Variants in BTD observed in about 807,000 individuals in gnomAD.
BTD encodes biocytinase.
A neutral mutation model predicts 17.7 loss-of-function variants in BTD; 13 were observed. The ratio of observed to expected loss-of-function variants is 0.74; its 90% CI spans 0.48 to 1.17. The LOEUF (loss-of-function observed/expected upper bound fraction) is 1.17. Ranked by LOEUF, BTD falls within the 50% of genes most tolerant of loss-of-function variation. BTD has a pLI of 0.00. For missense variants in BTD, 674 were observed against 650.4 expected (o/e 1.04, Z -0.39); for synonymous variants, 240 against 245.2 (o/e 0.98, Z 0.20).
At chr3:15,710,851 C>T (rs1559382801) in exon 4 of BTD, among the ~76,000 whole-genome samples, 1 of 151,980 alleles carries the variant, frequency 6.6e-6, no homozygotes, top group Non-Finnish European at 1.5e-5. Flanking sequence ...AAAAAATTAA[C>T]AAATCTACTT....
At chr3:15,675,458 C>A (rs546670564) in intron 3 of BTD, among the ~76,000 whole-genome samples, 3 of 152,022 alleles carry the variant, frequency 2.0e-5, no homozygotes, top group African/African-American at 7.3e-5. Flanking sequence ...AGGAATAATA[C>A]AGGAAGAGAG....
intron 3 of BTD, chr3:15,667,316 G>C (rs1027563945): frequency 6.6e-6 from 1 of 152,294 alleles, no homozygotes; most frequent in South Asian, 2.1e-4. Context: ...GCTACACTTA[G>C]AGATCTCCTG....
intron 3 of BTD, among the ~76,000 whole-genome samples, chr3:15,643,027 CA>C (rs200265982): frequency 0.016 from 1,572 of 99,190 alleles, 30 homozygotes; most frequent in African/African-American, 0.055. Flanking sequence ...AACTCTGCCT[CA>C]AAAAAAAAAA....
At position 15,645,592 on chromosome 3, in the gene BTD, AG is replaced by A; in HGVS notation, c.*105del. The A allele has an allele frequency of 7.3e-7, 1 of 1,366,514 alleles. No individual in the cohort carries two copies. Among genetic ancestry groups the A allele is most frequent in the Non-Finnish European group, 1.0e-6 (1 of 998,410 alleles). The allele number at this position is 1,366,514 out of a possible 1,614,324, so 84.6% of individuals were successfully genotyped here. On this transcript the variant is annotated 3_prime_UTR_variant, in exon 4 of 4. Coordinates refer to ENST00000643237, the MANE Select transcript of BTD (RefSeq NM_001370658.1). ...ACCATCTTTCTGCCTTAAGGGCAGGAGCCCACTTCTGTGGCACCAGATTCCA... is the reference window on the plus strand; with the variant it reads ...ACCATCTTTCTGCCTTAAGGGCAGGACCCACTTCTGTGGCACCAGATTCCA...
intron 1 of BTD, among the ~76,000 whole-genome samples, chr3:15,608,870 G>T (rs1416893600): frequency 2.0e-5 from 3 of 152,002 alleles, no homozygotes; most frequent in Non-Finnish European, 2.9e-5. Flanking sequence ...CATGTAATAT[G>T]GTACTAGTGT....
chr3:15,608,827 A>G (rs1298356997), intron 1 of BTD, among the ~76,000 whole-genome samples: 1 of 151,838 alleles, frequency 6.6e-6, no homozygotes, highest in Non-Finnish European at 1.5e-5. Context: ...TACTCGGGGG[A>G]GTGTCCCACA....
chr3:15,686,232 C>T (rs1280003683), intron 3 of BTD: 1 of 1,591,908 alleles, frequency 6.3e-7, no homozygotes, highest in Admixed American at 1.8e-5. Flanking sequence ...TGTCCATTTC[C>T]ATCTTGAATA....
At chr3:15,642,078 C>T (rs2065526803) in intron 3 of BTD, 21 bp downstream of exon 3, 1 of 1,613,506 alleles carries the variant, frequency 6.2e-7, no homozygotes, top group African/African-American at 1.3e-5. Context: ...CCTTTTTCCT[C>T]AGTAGGCTGA....
chr3:15,675,396 A>G (rs1442981228), intron 3 of BTD, among the ~76,000 whole-genome samples: 1 of 152,228 alleles, frequency 6.6e-6, no homozygotes, highest in Non-Finnish European at 1.5e-5. Context: ...AGGAGCAGTG[A>G]GATTTATAAA....
intron 3 of BTD, among the ~76,000 whole-genome samples, chr3:15,666,408 C>CT (rs1559291331): frequency 2.6e-5 from 4 of 151,994 alleles, no homozygotes; most frequent in Admixed American, 1.3e-4. Flanking sequence ...TTCATCTCCC[C>CT]CTTTCCTCAT....
chr3:15,630,193 A>C (rs1249362051), intron 1 of BTD: 1 of 544,596 alleles, frequency 1.8e-6, no homozygotes, highest in African/African-American at 2.1e-5. Context: ...TTTAACTGTA[A>C]AAGAGATAGA....
At chr3:15,642,606 C>T (rs1356225270) in intron 3 of BTD, among the ~76,000 whole-genome samples, 1 of 151,992 alleles carries the variant, frequency 6.6e-6, no homozygotes, top group African/African-American at 2.4e-5. Context: ...AGGCACCCAC[C>T]ACCACGCCCG....
At chr3:15,713,376 C>T, downstream of BTD, 1 of 578,706 alleles carries the variant, frequency 1.7e-6, no homozygotes, top group South Asian at 2.3e-5. Context: ...ACATTTTAAC[C>T]TACCACTTTG....
At chr3:15,602,918 C>T (rs1418673051) in intron 1 of BTD, among the ~76,000 whole-genome samples, 2 of 152,124 alleles carry the variant, frequency 1.3e-5, no homozygotes, top group African/African-American at 4.8e-5. Context: ...AATGGTCTCA[C>T]AGTTCCAAAT....
intron 3 of BTD, chr3:15,684,125 T>C (rs2067839980): frequency 6.6e-6 from 1 of 152,238 alleles, no homozygotes; most frequent in African/African-American, 2.4e-5. Context: ...GCTTGAACTT[T>C]GACAACACTG....
chr3:15,620,950 G>A (rs577870155), intron 1 of BTD, among the ~76,000 whole-genome samples: 1 of 152,388 alleles, frequency 6.6e-6, no homozygotes, highest in African/African-American at 2.4e-5. Context: ...GCATAACTCA[G>A]TCCAAGGCCG....
intron 2 of BTD, among the ~76,000 whole-genome samples, chr3:15,639,206 A>G (rs1575019824): frequency 1.3e-5 from 2 of 151,968 alleles, no homozygotes. Context: ...AATTTTGCCC[A>G]GCTCAGGTTT....
chr3:15,714,620 G>C, downstream of BTD: 6 of 1,601,430 alleles, frequency 3.7e-6, no homozygotes, highest in Non-Finnish European at 5.1e-6. Context: ...CTACCGTGGA[G>C]AGCAGTCATG....
chr3:15,664,185 C>T (rs1325011850), intron 3 of BTD, among the ~76,000 whole-genome samples: 2 of 152,174 alleles, frequency 1.3e-5, no homozygotes, highest in African/African-American at 2.4e-5. Flanking sequence ...TGATTTTCTG[C>T]CTGCTGGTTC....
Sources: allele counts gnomAD v4.1 joint callset (sites outside exome capture counted in the v4.1 genomes callset), GRCh38; gene constraint gnomAD v4.1.1; transcripts MANE v1.5; gene names NCBI Gene and HGNC (gene_info 2026-07-23, HGNC 2026-07-21).